Variants in TTPA observed in about 807,000 individuals in gnomAD.
TTPA encodes the protein alpha tocopherol transfer protein.
In TTPA, 23 loss-of-function variants were observed where a neutral mutation model predicts 25.9. The ratio of observed to expected loss-of-function variants is 0.89; its 90% CI spans 0.64 to 1.26. The LOEUF is 1.26. Ranked by LOEUF, TTPA falls within the 50% of genes most tolerant of loss-of-function variation. TTPA has a pLI of 0.00. For missense variants in TTPA, 337 were observed against 353.1 expected (o/e 0.95, Z 0.37); for synonymous variants, 148 against 137.3 (o/e 1.08, Z -0.54).
rs768187989 is a variant in TTPA at position 63,061,411 on chromosome 8, C to T, written c.678G>A (p.Gly226=). Residue 226 remains glycine, a synonymous_variant, in exon 5 of 5, where the codon GGG becomes GGA. Coordinates refer to ENST00000260116, the MANE Select transcript of TTPA (RefSeq NM_000370.3). ...EKIKERIHMH[G]NNYKQSLLQH... ...GAAGCAAGCTTTGTTTGTAGTTGTT[C>T]CCATGCATGTGAATCTGAAATAGCC... 2 of 1,613,768 alleles carry T rather than the reference C, an allele frequency of 1.2e-6. No homozygotes were observed. The highest frequency in any genetic ancestry group is 2.2e-5 in the South Asian group (2 of 91,070).
chr8:63,082,928 C>T (rs1165417694), intron 1 of TTPA, among the ~76,000 whole-genome samples: 9 of 152,114 alleles, frequency 5.9e-5, no homozygotes, highest in Admixed American at 4.6e-4. Flanking sequence ...AAATCAAAAC[C>T]ACAATGAGAT....
At chr8:63,071,825 G>A (rs1284380321) in intron 2 of TTPA, among the ~76,000 whole-genome samples, 2 of 152,162 alleles carry the variant, frequency 1.3e-5, no homozygotes, top group Non-Finnish European at 2.9e-5. Context: ...AAATCTGCCA[G>A]TGCCTTGATC....
At chr8:63,078,991 A>G (rs947359264) in intron 1 of TTPA, among the ~76,000 whole-genome samples, 7 of 152,354 alleles carry the variant, frequency 4.6e-5, no homozygotes, top group Admixed American at 1.3e-4. Context: ...CAGATCTCTC[A>G]GTAGAAACCC....
chr8:63,068,859 A>G (rs1490725421), intron 2 of TTPA, among the ~76,000 whole-genome samples: 2 of 152,218 alleles, frequency 1.3e-5, no homozygotes, highest in African/African-American at 4.8e-5. Flanking sequence ...GTTTTTTAAA[A>G]GCCTCAGATT....
rs1230974833 is a variant in TTPA at position 63,065,970 on chromosome 8, A to G, written c.486T>C (p.Gly162=). 2 of 1,613,944 alleles carry G rather than the reference A, an allele frequency of 1.2e-6. No individual in the cohort carries two copies. Among genetic ancestry groups the G allele is most frequent in the Non-Finnish European group, 1.7e-6 (2 of 1,179,978 alleles). ...TTTGAAAAGCATGAGAAAACTGCCA[A>G]CCTTCCAGATCAAAGATAGCCTTGA... The part of the protein sequence containing the change: ...NGIKAIFDLE[G]WQFSHAFQIT... The change falls in exon 3 of 5, where the codon GGT becomes GGC. Residue 162 remains glycine (G), a synonymous_variant. Transcript: ENST00000260116.
chr8:63,073,746 C>T (rs1404256531), intron 1 of TTPA, among the ~76,000 whole-genome samples: 3 of 152,108 alleles, frequency 2.0e-5, no homozygotes, highest in African/African-American at 7.2e-5. Flanking sequence ...TGACTTGTTG[C>T]TCAGCAATAG....
At chr8:63,074,729 C>A (rs1332988308) in intron 1 of TTPA, among the ~76,000 whole-genome samples, 4 of 152,082 alleles carry the variant, frequency 2.6e-5, no homozygotes, top group Non-Finnish European at 5.9e-5. Context: ...CTTTTTCATT[C>A]CAATTCAAGT....
At chr8:63,062,767 A>C (rs950156811) in intron 4 of TTPA, among the ~76,000 whole-genome samples, 1 of 152,134 alleles carries the variant, frequency 6.6e-6, no homozygotes, top group Non-Finnish European at 1.5e-5. Flanking sequence ...TCTTAGGTTC[A>C]GTTTATTCTT....
At chr8:63,065,839 C>T (rs1805380036) in intron 3 of TTPA, 65 bp downstream of exon 3, 2 of 1,538,978 alleles carry the variant, frequency 1.3e-6, no homozygotes, top group African/African-American at 1.4e-5. Flanking sequence ...CTTTGTCTAA[C>T]ATATAACAAA....
chr8:63,059,028 T>G (rs867977454), downstream of TTPA, among the ~76,000 whole-genome samples: 2,732 of 102,708 alleles, frequency 0.027, 123 homozygotes, highest in African/African-American at 0.091. Flanking sequence ...CAGTTTTTTT[T>G]TTTTTTTTTT....
chr8:63,073,699 A>G (rs1805517099), intron 1 of TTPA, among the ~76,000 whole-genome samples: 1 of 152,206 alleles, frequency 6.6e-6, no homozygotes, highest in Non-Finnish European at 1.5e-5. Context: ...ATCAAAAACA[A>G]ATAAATCATT....
At chr8:63,068,411 G>T (rs1398809238) in intron 2 of TTPA, among the ~76,000 whole-genome samples, 1 of 152,188 alleles carries the variant, frequency 6.6e-6, no homozygotes, top group Non-Finnish European at 1.5e-5. Flanking sequence ...TTTCAAGAAA[G>T]CAGAAGTGAT....
intron 1 of TTPA, among the ~76,000 whole-genome samples, chr8:63,077,228 A>T (rs1176503461): frequency 6.6e-6 from 1 of 152,134 alleles, no homozygotes. Flanking sequence ...CCAGTCTGCA[A>T]CTCCCAGTGT....
At chr8:63,069,575 T>TA (rs1805450495) in intron 2 of TTPA, among the ~76,000 whole-genome samples, 1 of 151,490 alleles carries the variant, frequency 6.6e-6, no homozygotes, top group Non-Finnish European at 1.5e-5. Flanking sequence ...AAAATAAAAA[T>TA]AATAAAAAAA....
chr8:63,065,228 G>T (rs75622826), intron 3 of TTPA, among the ~76,000 whole-genome samples: 3,775 of 152,198 alleles, frequency 0.025, 136 homozygotes, highest in African/African-American at 0.081. Flanking sequence ...TTACATTCAG[G>T]TGACCTGGGC....
At chr8:63,072,201 A>C (rs142426386) in intron 2 of TTPA, among the ~76,000 whole-genome samples, 3 of 152,316 alleles carry the variant, frequency 2.0e-5, no homozygotes, top group Admixed American at 6.5e-5. Context: ...ATACACCAGC[A>C]AACAGAGTAG....
intron 2 of TTPA, 76 bp downstream of exon 2, chr8:63,072,859 G>C: frequency 1.3e-6 from 2 of 1,528,908 alleles, no homozygotes; most frequent in Non-Finnish European, 1.8e-6. Context: ...ATGGAAGAAA[G>C]AGAGAAGAGG....
chr8:63,061,966 G>A (rs1302391307), intron 4 of TTPA, among the ~76,000 whole-genome samples: 2 of 152,156 alleles, frequency 1.3e-5, no homozygotes, highest in African/African-American at 4.8e-5. Flanking sequence ...ACTTTGAGAG[G>A]CCAAGGCAGG....
intron 1 of TTPA, among the ~76,000 whole-genome samples, chr8:63,076,469 C>A (rs947260323): frequency 6.6e-6 from 1 of 152,138 alleles, no homozygotes; most frequent in South Asian, 2.1e-4. Context: ...CTTTTCCTTT[C>A]CAGTTGGCAG....
Sources: allele counts gnomAD v4.1 joint callset (sites outside exome capture counted in the v4.1 genomes callset), GRCh38; gene constraint gnomAD v4.1.1; transcripts MANE v1.5; gene names NCBI Gene and HGNC (gene_info 2026-07-23, HGNC 2026-07-21).